TMCO1: variants seen among roughly 807,000 people sequenced by gnomAD.
The protein encoded by TMCO1 is calcium load-activated calcium channel.
TMCO1 carries 29 observed loss-of-function variants against 29.3 expected under a neutral mutation model. That is an observed-to-expected ratio of 0.99 (90% CI 0.74 to 1.35). The LOEUF (loss-of-function observed/expected upper bound fraction) is 1.35. TMCO1 is among the 40% of genes most tolerant of loss of function. TMCO1 has a pLI of 0.00. For missense variants in TMCO1, 173 were observed against 225.5 expected, an observed-to-expected ratio of 0.77 and a Z score of 1.49; for synonymous variants, 80 against 77.1, an observed-to-expected ratio of 1.04 and a Z score of -0.20.
chr1:165,733,762 A>T lies in TMCO1; in HGVS notation c.469-5641T>A, dbSNP rs1411766213. ...ATTTTGAATTCCTGTCCAGTCCTGT[A>T]TAACAGGGTAACAAATGAAGAATGT... On this transcript the variant is annotated intron_variant, in intron 6 of 6. Coordinates refer to ENST00000367881, the MANE Select transcript of TMCO1 (RefSeq NM_019026.6). 2.6e-5 allele frequency among the ~76,000 whole-genome samples: 4 copies of T among 152,258 alleles called. No homozygotes were observed. The South Asian group carries it at 6.2e-4, about 24-fold the overall frequency.
At chr1:165,751,047 T>C (rs1482404843) in intron 5 of TMCO1, among the ~76,000 whole-genome samples, 1 of 152,072 alleles carries the variant, frequency 6.6e-6, no homozygotes, top group Non-Finnish European at 1.5e-5. Context: ...TCCCGCCTGG[T>C]GACAGAGAGA....
intron 5 of TMCO1, among the ~76,000 whole-genome samples, chr1:165,749,218 A>T (rs901090901): frequency 6.6e-6 from 1 of 152,104 alleles, no homozygotes; most frequent in African/African-American, 2.4e-5. Flanking sequence ...TATTCTATAT[A>T]AGTGTTTGAA....
chr1:165,736,678 C>A (rs1462561672), intron 6 of TMCO1, among the ~76,000 whole-genome samples: 1 of 150,100 alleles, frequency 6.7e-6, no homozygotes, highest in Non-Finnish European at 1.5e-5. Flanking sequence ...CGAGATCATG[C>A]CACTGCACTA....
rs569957809 is a variant in TMCO1, at chr1:165,745,101, GC to G, written c.324-1791del. Among the ~76,000 whole-genome samples, 722 of 151,942 alleles carry G rather than the reference GC, an allele frequency of 4.8e-3. 4 individuals are homozygous for G. Among genetic ancestry groups the G allele is most frequent in the Non-Finnish European group, 8.4e-3 (574 of 67,970 alleles). ...AGTGGTGCAATCATGGCTCACTGCA[GC>G]CTTGACCTCCTGGGCTCAAAGAATC... On this transcript the variant is annotated intron_variant, in intron 5 of 6. Transcript: ENST00000367881.
rs749319189 is a variant in TMCO1, at chr1:165,752,092, G to A, written c.323+10C>T. On this transcript the variant is annotated intron_variant, in intron 5 of 6. Coordinates refer to ENST00000367881, the MANE Select transcript of TMCO1 (RefSeq NM_019026.6). ...AGTTATTAGTCAAAAGCATATAAAA[G>A]GACACTCACATGGAATTGAACATTC... 6.2e-7 allele frequency: 1 copy of A among 1,604,482 alleles called. No homozygotes were observed. Among genetic ancestry groups the A allele is most frequent in the Admixed American group, 1.7e-5 (1 of 59,960 alleles).
intron 4 of TMCO1, among the ~76,000 whole-genome samples, chr1:165,752,562 A>G (rs1558038387): frequency 6.8e-6 from 1 of 147,198 alleles, no homozygotes; most frequent in Admixed American, 6.8e-5. Context: ...GCCTCACGTC[A>G]TTTTTTTTTT....
chr1:165,764,114 T>C (rs1652491297), intron 2 of TMCO1, among the ~76,000 whole-genome samples: 1 of 152,240 alleles, frequency 6.6e-6, no homozygotes. Context: ...TAAATTTGTT[T>C]TGTATTTCAT....
At chr1:165,766,987 A>G (rs1211593200) in intron 2 of TMCO1, among the ~76,000 whole-genome samples, 1 of 152,184 alleles carries the variant, frequency 6.6e-6, no homozygotes, top group African/African-American at 2.4e-5. Flanking sequence ...GCTGAGGTAC[A>G]TAATCAACAC....
chr1:165,753,371 G>A (rs886828329), intron 4 of TMCO1, among the ~76,000 whole-genome samples: 1 of 151,698 alleles, frequency 6.6e-6, no homozygotes, highest in East Asian at 1.9e-4. Flanking sequence ...TACTTGCAAG[G>A]CTGAGGTAGG....
rs1652689357 is a variant in TMCO1 at position 165,768,867 on chromosome 1, C to G, written c.-116G>C. The G allele has an allele frequency of 1.3e-6, 2 of 1,564,374 alleles. No homozygotes were observed. The highest frequency in any genetic ancestry group is 1.7e-6 in the Non-Finnish European group (2 of 1,154,234). ...GCCACCACCGAGTAACAGACCAACTCTGACAGCCCGAAGATCGCACTTCCG... is the reference window on the plus strand; with the variant it reads ...GCCACCACCGAGTAACAGACCAACTGTGACAGCCCGAAGATCGCACTTCCG... On this transcript the variant is annotated 5_prime_UTR_variant, in exon 1 of 7. Coordinates refer to ENST00000367881, the MANE Select transcript of TMCO1 (RefSeq NM_019026.6).
rs1425428199 is a variant in TMCO1 at position 165,728,063 on chromosome 1, C to T, written c.527G>A (p.Gly176Glu). 6.2e-7 allele frequency: 1 copy of T among 1,609,192 alleles called. No homozygotes were observed. The highest frequency in any genetic ancestry group is 1.7e-5 in the Admixed American group (1 of 59,856). Reference protein sequence around the residue: ...PSRAATKQAGGFLGPPPPSGK... With the variant: ...PSRAATKQAGEFLGPPPPSGK... ...AGAAGGAGGTGGTGGGCCAAGAAAT[C>T]CACCTGCCTGCTTGGTGGCGGCTCG... Residue 176 changes from glycine (G) to glutamate (E), a missense_variant, in exon 7 of 7, where the codon GGA becomes GAA. Gly to Glu is a moderately conservative substitution (Grantham distance 98). Transcript: ENST00000367881.
chr1:165,758,521 A>T (rs920055794), intron 3 of TMCO1, among the ~76,000 whole-genome samples: 2 of 152,168 alleles, frequency 1.3e-5, no homozygotes, highest in Admixed American at 1.3e-4. Context: ...ACACCACTGC[A>T]CTACAGCCTA....
At chr1:165,731,766 GAC>G (rs772263744) in intron 6 of TMCO1, among the ~76,000 whole-genome samples, 10 of 152,190 alleles carry the variant, frequency 6.6e-5, no homozygotes, top group Admixed American at 1.3e-4. Flanking sequence ...TTAAAAATGA[GAC>G]ACTTCAGTAG....
intron 2 of TMCO1, among the ~76,000 whole-genome samples, chr1:165,765,352 C>T (rs1352093876): frequency 2.0e-5 from 3 of 152,178 alleles, no homozygotes; most frequent in Non-Finnish European, 4.4e-5. Context: ...GATGCAATCT[C>T]GGCTCACTGC....
intron 6 of TMCO1, among the ~76,000 whole-genome samples, chr1:165,740,823 C>T (rs896938057): frequency 3.3e-5 from 5 of 152,182 alleles, no homozygotes; most frequent in Non-Finnish European, 2.9e-5. Context: ...GCCTTCTCAC[C>T]ATGTGATGTC....
At chr1:165,737,742 TC>T (rs1651447052) in intron 6 of TMCO1, among the ~76,000 whole-genome samples, 1 of 152,172 alleles carries the variant, frequency 6.6e-6, no homozygotes, top group Non-Finnish European at 1.5e-5. Flanking sequence ...GAATTCTATG[TC>T]CAATGAAAAT....
chr1:165,743,219 G>A lies in TMCO1; in HGVS notation c.416C>T (p.Thr139Ile). ...SHRNLLGDDT[T>I]DCSFIFLYIL... ...ATACAGGAAAATGAAGGAACAGTCTGTGGTGTCATCTCCCAGCAGATTTCG... is the reference window on the plus strand; with the variant it reads ...ATACAGGAAAATGAAGGAACAGTCTATGGTGTCATCTCCCAGCAGATTTCG... Residue 139 changes from threonine (T) to isoleucine (I), a missense_variant, in exon 6 of 7, where the codon ACA becomes ATA. Transcript: ENST00000367881. 1 of 1,613,944 alleles carries A rather than the reference G, an allele frequency of 6.2e-7. No individual in the cohort carries two copies. The highest frequency in any genetic ancestry group is 1.1e-5 in the South Asian group (1 of 91,072).
At chr1:165,764,432 A>G (rs1284922423) in intron 2 of TMCO1, among the ~76,000 whole-genome samples, 4 of 152,190 alleles carry the variant, frequency 2.6e-5, no homozygotes, top group Non-Finnish European at 5.9e-5. Context: ...CACTCTAAGG[A>G]GAGGTATGTG....
chr1:165,757,474 T>G (rs1213969562), intron 3 of TMCO1, among the ~76,000 whole-genome samples: 1 of 152,172 alleles, frequency 6.6e-6, no homozygotes, highest in Non-Finnish European at 1.5e-5. Flanking sequence ...TCTAATAAGA[T>G]TTTGATAAGC....
Sources: allele counts gnomAD v4.1 joint callset (sites outside exome capture counted in the v4.1 genomes callset), GRCh38; gene constraint gnomAD v4.1.1; transcripts MANE v1.5; gene names NCBI Gene and HGNC (gene_info 2026-07-23, HGNC 2026-07-21).